Variants in GPRC5C observed in about 807,000 individuals in gnomAD.
GPRC5C encodes the protein G protein-coupled receptor family C group 5 member C.
GPRC5C carries 22 observed loss-of-function variants against 31.4 expected under a neutral mutation model. The ratio of observed to expected loss-of-function variants is 0.70; its 90% confidence interval spans 0.50 to 1.00. The LOEUF (loss-of-function observed/expected upper bound fraction) is 1.00. GPRC5C is among the 50% of genes least tolerant of loss of function. The pLI, the probability that GPRC5C is intolerant of heterozygous loss-of-function variation, is 0.00. For synonymous variants in GPRC5C, 249 were observed against 257.5 expected (o/e 0.97, Z 0.32); for missense variants, 557 against 597.2 (o/e 0.93, Z 0.70).
At chr17:74,448,137 T>A (rs1006770701), downstream of GPRC5C, among the ~76,000 whole-genome samples, 1 of 152,010 alleles carries the variant, frequency 6.6e-6, no homozygotes, top group South Asian at 2.1e-4. Context: ...AGTGAGACCT[T>A]GTTTCTACAA....
downstream of GPRC5C, chr17:74,450,583 G>A (rs981424607): frequency 6.6e-6 from 1 of 152,246 alleles, no homozygotes; most frequent in Non-Finnish European, 1.5e-5. Flanking sequence ...ATTTCCTGAT[G>A]GGCAGATGTG....
At chr17:74,448,747 A>C, downstream of GPRC5C, 1 of 574,538 alleles carries the variant, frequency 1.7e-6, no homozygotes, top group Non-Finnish European at 3.0e-6. Context: ...TCCCTTTTCC[A>C]GATTCAAAAT....
At chr17:74,445,390 CA>C (rs1207744983) in intron 3 of GPRC5C, 7 of 152,664 alleles carry the variant, frequency 4.6e-5, no homozygotes, top group Non-Finnish European at 8.8e-5. Context: ...GCCCAGCATT[CA>C]GCACTCCCTC....
rs2144426012 is a variant in GPRC5C, at chr17:74,440,852, T to C, written c.1051+25T>C. 6.9e-7 allele frequency: 1 copy of C among 1,447,866 alleles called. No individual in the cohort carries two copies. Among genetic ancestry groups the C allele is most frequent in the East Asian group, 2.4e-5 (1 of 41,572 alleles). The allele number at this position is 1,447,866 out of a possible 1,614,324, so 89.7% of individuals were successfully genotyped here. ...GGTGGGTCTCTGTGGATGCCCCCAG[T>C]GGCCCCTTTCTCCATCCCATGTCTT... On this transcript the variant is annotated intron_variant, in intron 2 of 3. Transcript: ENST00000392627. The surrounding 1 kb of genome is among the most constrained non-coding windows in gnomAD (Gnocchi z 4.4).
chr17:74,436,475 C>T (rs2055432796), intron 1 of GPRC5C, among the ~76,000 whole-genome samples: 2 of 152,192 alleles, frequency 1.3e-5, no homozygotes, highest in Admixed American at 6.5e-5. Context: ...CCCTGTCTCT[C>T]TCCTGCAGGT....
At chr17:74,437,155 G>T (rs1340123454) in intron 1 of GPRC5C, among the ~76,000 whole-genome samples, 1 of 152,116 alleles carries the variant, frequency 6.6e-6, no homozygotes, top group East Asian at 1.9e-4. Flanking sequence ...TGTTGGTCAG[G>T]CTGGTCTGGA....
At chr17:74,435,055 T>C (rs1303781386) in intron 1 of GPRC5C, among the ~76,000 whole-genome samples, 3 of 149,638 alleles carry the variant, frequency 2.0e-5, no homozygotes, top group Admixed American at 6.7e-5. Context: ...CCGTCTCTAC[T>C]AAAAATAGAA....
At chr17:74,437,767 C>A (rs2055455156) in intron 1 of GPRC5C, among the ~76,000 whole-genome samples, 1 of 151,676 alleles carries the variant, frequency 6.6e-6, no homozygotes, top group South Asian at 2.1e-4. Flanking sequence ...CATGTATAAA[C>A]AACCTCACAA....
rs1306040176 is a variant in GPRC5C at position 74,440,851 on chromosome 17, G to T, written c.1051+24G>T. ...AGGTGGGTCTCTGTGGATGCCCCCAGTGGCCCCTTTCTCCATCCCATGTCT... is the reference window on the plus strand; with the variant it reads ...AGGTGGGTCTCTGTGGATGCCCCCATTGGCCCCTTTCTCCATCCCATGTCT... On this transcript the variant is annotated intron_variant, in intron 2 of 3. Transcript: ENST00000392627. This position sits in a 1 kb window ranked among gnomAD's most constrained non-coding sequence, Gnocchi z 4.4. 6.9e-7 allele frequency: 1 copy of T among 1,448,704 alleles called. No homozygotes were observed. The highest frequency in any genetic ancestry group is 1.7e-5 in the South Asian group (1 of 60,496). The allele number at this position is 1,448,704 out of a possible 1,614,324, so 89.7% of individuals were successfully genotyped here.
rs144340802 is a variant in GPRC5C, at chr17:74,439,755, A to G, written c.-22A>G. 25 of 1,606,618 alleles carry G rather than the reference A, an allele frequency of 1.6e-5. No homozygotes were observed. The African/African-American group carries it at 2.7e-4, about 17-fold the overall frequency. On this transcript the variant is annotated 5_prime_UTR_variant, in exon 2 of 4. Coordinates refer to ENST00000392627, the MANE Select transcript of GPRC5C (RefSeq NM_022036.4). ...TCCTTCTGTCTCTAGGGACCCAACC[A>G]GAGCCTGGCCTGGGAGCCAGGATGG... is the stretch of plus-strand genomic sequence containing the variant.
chr17:74,435,213 C>T lies in GPRC5C; in HGVS notation c.-33+3072C>T, dbSNP rs544901594. Among the ~76,000 whole-genome samples the T allele has an allele frequency of 3.3e-5, 5 of 152,030 alleles. 1 individual carries two copies. The highest frequency in any genetic ancestry group is 9.6e-5 in the African/African-American group (4 of 41,466). ...CAGCCTGGGCGACAGAGCGAGACTC[C>T]GTCTCAAAAAAAGAAAAAAAAAAGG... On this transcript the variant is annotated intron_variant, in intron 1 of 3. Coordinates refer to ENST00000392627, the MANE Select transcript of GPRC5C (RefSeq NM_022036.4).
intron 2 of GPRC5C, among the ~76,000 whole-genome samples, chr17:74,442,790 C>T (rs567032217): frequency 5.3e-5 from 8 of 152,316 alleles, no homozygotes; most frequent in African/African-American, 1.9e-4. Context: ...GAGGTGCTGG[C>T]CTCACCCCTG....
At chr17:74,444,990 C>T (rs1033600875) in intron 3 of GPRC5C, among the ~76,000 whole-genome samples, 1 of 152,210 alleles carries the variant, frequency 6.6e-6, no homozygotes, top group Admixed American at 6.5e-5. Context: ...TGGCTCACAC[C>T]TGTAATCCCA....
intron 1 of GPRC5C, among the ~76,000 whole-genome samples, chr17:74,438,599 A>C (rs577716043): frequency 6.6e-6 from 1 of 151,390 alleles, no homozygotes; most frequent in Non-Finnish European, 1.5e-5. Flanking sequence ...GGGTTTCACC[A>C]TGTTGCCCAG....
At chr17:74,433,573 A>G (rs2055387148) in intron 1 of GPRC5C, 1 of 764,314 alleles carries the variant, frequency 1.3e-6, no homozygotes, top group Non-Finnish European at 2.3e-6. Flanking sequence ...GTGGGACCTA[A>G]CCAGGGACTG....
At chr17:74,432,875 C>T (rs1306215468) in intron 1 of GPRC5C, among the ~76,000 whole-genome samples, 2 of 151,984 alleles carry the variant, frequency 1.3e-5, no homozygotes, top group Non-Finnish European at 2.9e-5. Context: ...GTTTCTGTGG[C>T]CCTAAAAATG....
rs970817375 is a variant in GPRC5C at position 74,440,441 on chromosome 17, G to T, written c.665G>T (p.Gly222Val). ...ALIYVMLLLL[G>V]AFLGAWPALC... is the part of the protein sequence containing the mutation. Reference sequence around the variant, plus strand: ...ATCTACGTCATGCTGCTGCTGCTGGGTGCCTTCCTGGGGGCCTGGCCCGCC... The same window carrying T: ...ATCTACGTCATGCTGCTGCTGCTGGTTGCCTTCCTGGGGGCCTGGCCCGCC... The change falls in exon 2 of 4, where the codon GGT (glycine) becomes GTT (valine). Residue 222 changes from glycine (G) to valine (V), a missense_variant. Physicochemically the swap from Gly to Val is moderately radical, Grantham distance 109. Transcript: ENST00000392627. This position sits in a 1 kb window ranked among gnomAD's most constrained non-coding sequence, Gnocchi z 4.4. 6.2e-7 allele frequency: 1 copy of T among 1,613,790 alleles called. No homozygotes were observed.
chr17:74,437,285 A>G (rs2055446540), intron 1 of GPRC5C, among the ~76,000 whole-genome samples: 1 of 152,266 alleles, frequency 6.6e-6, no homozygotes, highest in East Asian at 1.9e-4. Flanking sequence ...TTGTAAATAA[A>G]ATGCAGTTGG....
intron 1 of GPRC5C, among the ~76,000 whole-genome samples, chr17:74,435,002 G>T (rs1331583905): frequency 6.6e-6 from 1 of 151,878 alleles, no homozygotes; most frequent in Non-Finnish European, 1.5e-5. Flanking sequence ...GGCGGATCAC[G>T]AGGTCAGGAG....
Sources: gnomAD v4.1 joint callset for allele counts (sites outside exome capture counted in the v4.1 genomes callset) on GRCh38, gnomAD v4.1.1 for gene constraint, Gnocchi (gnomAD v3.1) non-coding constraint, MANE v1.5 for transcripts, NCBI Gene and HGNC (gene_info 2026-07-23, HGNC 2026-07-21) for gene names.